Variants in AGTPBP1 observed in about 807,000 individuals in gnomAD.
The protein encoded by AGTPBP1 is ATP/GTP binding carboxypeptidase 1, also known as cytosolic carboxypeptidase 1.
In AGTPBP1, 70 loss-of-function variants were observed where a neutral mutation model predicts 143.9. That is an observed-to-expected ratio of 0.49 (90% CI 0.40 to 0.59). AGTPBP1 has a LOEUF of 0.59. AGTPBP1 is among the 20% of genes least tolerant of loss of function. AGTPBP1 has a pLI of 0.00. For synonymous variants in AGTPBP1, 463 were observed against 500.2 expected, an observed-to-expected ratio of 0.93 and a Z score of 0.99; for missense variants, 1,229 against 1,464.5, an observed-to-expected ratio of 0.84 and a Z score of 2.62.
At chr9:85,579,277 C>T (rs893517641) in intron 23 of AGTPBP1, among the ~76,000 whole-genome samples, 181 bp from the exon 24 acceptor site, 2 of 152,114 alleles carry the variant, frequency 1.3e-5, no homozygotes, top group African/African-American at 4.8e-5. Context: ...AAATTTTCTG[C>T]TTTTCTAAAC....
At chr9:85,620,404 T>G (rs1255601061) in intron 15 of AGTPBP1, among the ~76,000 whole-genome samples, 1 of 138,326 alleles carries the variant, frequency 7.2e-6, no homozygotes, top group East Asian at 2.2e-4. Flanking sequence ...GGAGACAGAG[T>G]GCATGGGACT....
chr9:85,637,080 T>G (rs1564090336), intron 13 of AGTPBP1, among the ~76,000 whole-genome samples: 1 of 151,340 alleles, frequency 6.6e-6, no homozygotes, highest in Non-Finnish European at 1.5e-5. Flanking sequence ...TCGCTCTTGT[T>G]GCCCAGGCTG....
intron 8 of AGTPBP1, among the ~76,000 whole-genome samples, chr9:85,663,943 A>G (rs1564119702): frequency 6.6e-6 from 1 of 152,214 alleles, no homozygotes; most frequent in Non-Finnish European, 1.5e-5. Flanking sequence ...ATGACAATAC[A>G]GCCATATAAC....
chr9:85,688,657 A>G (rs1192621614), intron 3 of AGTPBP1, among the ~76,000 whole-genome samples: 1 of 152,264 alleles, frequency 6.6e-6, no homozygotes, highest in Non-Finnish European at 1.5e-5. Context: ...AGTGGATAAT[A>G]GAAATGTTTC....
At chr9:85,710,956 G>A (rs953097726) in intron 2 of AGTPBP1, among the ~76,000 whole-genome samples, 12 of 151,960 alleles carry the variant, frequency 7.9e-5, no homozygotes, top group African/African-American at 2.7e-4. Flanking sequence ...ACACAAGTAC[G>A]TGACTAAAAT....
the AGTPBP1 span, among the ~76,000 whole-genome samples, chr9:85,760,162 G>T: frequency 6.6e-6 from 1 of 152,184 alleles, no homozygotes; most frequent in African/African-American, 2.4e-5. Context: ...AGGATCAGAC[G>T]GATTCACAGC....
intron 1 of AGTPBP1, among the ~76,000 whole-genome samples, chr9:85,720,707 T>G (rs1045266542): frequency 1.3e-5 from 2 of 152,182 alleles, no homozygotes; most frequent in Non-Finnish European, 2.9e-5. Context: ...TTCTGCTAGC[T>G]TTTCAATTTG....
chr9:85,654,766 AC>A (rs1833388911), intron 11 of AGTPBP1, among the ~76,000 whole-genome samples: 1 of 151,762 alleles, frequency 6.6e-6, no homozygotes, highest in Non-Finnish European at 1.5e-5. Context: ...TTGCTTGAAC[AC>A]GGGAGGCAGA....
At chr9:85,660,746 CAATA>C (rs1363535051) in intron 9 of AGTPBP1, among the ~76,000 whole-genome samples, 186 bp downstream of exon 9, 1 of 151,882 alleles carries the variant, frequency 6.6e-6, no homozygotes, top group African/African-American at 2.4e-5. Flanking sequence ...AATTATAGCT[CAATA>C]AACATAATAT....
chr9:85,742,022 A>G (rs1233749531), upstream of AGTPBP1: 33 of 1,200,034 alleles, frequency 2.7e-5, no homozygotes, highest in Non-Finnish European at 3.3e-5. Context: ...GGCTCCCAGC[A>G]CGCGCAGGGA....
intron 25 of AGTPBP1, among the ~76,000 whole-genome samples, chr9:85,559,603 T>C (rs1208742393): frequency 1.3e-5 from 2 of 149,608 alleles, no homozygotes; most frequent in Non-Finnish European, 3.0e-5. Context: ...CTGAAATGGC[T>C]GCAGAAACTA....
intron 17 of AGTPBP1, among the ~76,000 whole-genome samples, chr9:85,610,080 G>T (rs1275011904): frequency 6.6e-6 from 1 of 152,172 alleles, no homozygotes; most frequent in Non-Finnish European, 1.5e-5. Context: ...TAACTAACGT[G>T]GGCAAAGCGG....
At chr9:85,575,570 T>G in intron 24 of AGTPBP1, 95 bp from the exon 25 acceptor site, 2 of 1,014,850 alleles carry the variant, frequency 2.0e-6, no homozygotes, top group Non-Finnish European at 2.7e-6. Flanking sequence ...TATAACTATA[T>G]TAATAAAATT....
chr9:85,759,333 A>G, the AGTPBP1 span, among the ~76,000 whole-genome samples: 5 of 152,180 alleles, frequency 3.3e-5, no homozygotes, highest in African/African-American at 7.2e-5. Flanking sequence ...TCTCAGCACC[A>G]CATCACACTT....
chr9:85,563,195 T>C (rs1477806889), intron 25 of AGTPBP1, among the ~76,000 whole-genome samples: 1 of 152,178 alleles, frequency 6.6e-6, no homozygotes, highest in African/African-American at 2.4e-5. Context: ...CTGGGGGTGC[T>C]ATTGTAACAA....
chr9:85,548,629 AC>A (rs60460285), intron 25 of AGTPBP1, among the ~76,000 whole-genome samples: 21,350 of 151,662 alleles, frequency 0.14, 2,126 homozygotes, highest in East Asian at 0.48. Context: ...CATTAGAGAA[AC>A]AAGTTAGATT....
intron 1 of AGTPBP1, among the ~76,000 whole-genome samples, chr9:85,736,677 T>C (rs1823808974): frequency 6.6e-6 from 1 of 152,168 alleles, no homozygotes; most frequent in African/African-American, 2.4e-5. Context: ...AAAAGCACGG[T>C]GCGTGGGCCC....
intron 25 of AGTPBP1, among the ~76,000 whole-genome samples, chr9:85,550,770 T>C (rs1263948496): frequency 1.3e-5 from 2 of 152,186 alleles, no homozygotes; most frequent in African/African-American, 4.8e-5. Flanking sequence ...CCGTGAGTCA[T>C]GCAAACCAAA....
At chr9:85,689,927 T>A (rs9632934) in intron 3 of AGTPBP1, among the ~76,000 whole-genome samples, 2,151 of 68,484 alleles carry the variant, frequency 0.031, 20 homozygotes, top group African/African-American at 0.044. Context: ...AAAAAAAAAA[T>A]ATATATATAT....
Sources: gnomAD v4.1 joint callset for allele counts (sites outside exome capture counted in the v4.1 genomes callset) on GRCh38, gnomAD v4.1.1 for gene constraint, MANE v1.5 for transcripts, NCBI Gene and HGNC (gene_info 2026-07-23, HGNC 2026-07-21) for gene names.